Variants in POLR3C observed in about 807,000 individuals in gnomAD.
POLR3C encodes the protein RNA polymerase III subunit C, also known as DNA-directed RNA polymerase III subunit RPC3.
A neutral mutation model predicts 65.9 loss-of-function variants in POLR3C; 44 were observed. That is an observed-to-expected ratio of 0.67 (90% CI 0.52 to 0.86). The LOEUF is 0.86. POLR3C is among the 40% of genes least tolerant of loss of function. POLR3C has a pLI of 0.00. For synonymous variants in POLR3C, 263 were observed against 231.6 expected, an observed-to-expected ratio of 1.14 and a Z score of -1.23; for missense variants, 576 against 653.2, an observed-to-expected ratio of 0.88 and a Z score of 1.29.
intron 10 of POLR3C, 102 bp from the exon 11 acceptor site, chr1:145,837,954 G>A (rs1384778541): frequency 9.6e-7 from 1 of 1,041,532 alleles, no homozygotes; most frequent in East Asian, 2.4e-5. Flanking sequence ...TTCCTGTCTG[G>A]TACTGGCTTC....
rs1553725979 is a variant in POLR3C, at chr1:145,826,920, T to G, written c.504T>G (p.Asn168Lys). Reference sequence around the variant, plus strand: ...GCCCTTCGGTACCTACCACTGAGAATTCAGACCCTGGGCCACCACCACCTG... The same window carrying G: ...GCCCTTCGGTACCTACCACTGAGAAGTCAGACCCTGGGCCACCACCACCTG... ...QRCPSVPTTE[N>K]SDPGPPPPAP... Residue 168 changes from asparagine to lysine, a missense_variant, in exon 4 of 15, where the codon AAT becomes AAG. Physicochemically the swap from Asn to Lys is moderately conservative, Grantham distance 94. Transcript: ENST00000334163. The G allele has an allele frequency of 1.2e-6, 2 of 1,613,548 alleles. No individual in the cohort carries two copies. Among genetic ancestry groups the G allele is most frequent in the Non-Finnish European group, 1.7e-6 (2 of 1,179,854 alleles).
At chr1:145,830,007 A>G (rs1324068674) in intron 5 of POLR3C, among the ~76,000 whole-genome samples, 1 of 152,228 alleles carries the variant, frequency 6.6e-6, no homozygotes, top group Non-Finnish European at 1.5e-5. Flanking sequence ...AAGGAGAGCC[A>G]TTGATGGATT....
In POLR3C at chr1:145,838,052, C is replaced by G. The variant is rs2101654369; in HGVS notation, c.1071-4C>G. On this transcript the variant is annotated splice_polypyrimidine_tract_variant and splice_region_variant and intron_variant, in intron 10 of 14. Transcript: ENST00000334163. Reference sequence around the variant, plus strand: ...TGCCATTTGCTTTCTTCATTCCTTTCCAGATTTGGGTCTCGCTGTGCTAGA... The same window carrying G: ...TGCCATTTGCTTTCTTCATTCCTTTGCAGATTTGGGTCTCGCTGTGCTAGA... 1 of 1,613,672 alleles carries G rather than the reference C, an allele frequency of 6.2e-7. No homozygotes were observed. Among genetic ancestry groups the G allele is most frequent in the Non-Finnish European group, 8.5e-7 (1 of 1,179,668 alleles).
chr1:145,842,057 CT>C (rs1553730712), intron 14 of POLR3C, among the ~76,000 whole-genome samples: 1 of 152,138 alleles, frequency 6.6e-6, no homozygotes, highest in African/African-American at 2.4e-5. Flanking sequence ...ACACTAGGTC[CT>C]TTTATACCTG....
chr1:145,825,744 G>A lies in POLR3C; in HGVS notation c.-20-13G>A, dbSNP rs1650680583. The A allele has an allele frequency of 6.3e-7, 1 of 1,588,658 alleles. No homozygotes were observed. Among genetic ancestry groups the A allele is most frequent in the South Asian group, 1.1e-5 (1 of 89,128 alleles). On this transcript the variant is annotated splice_polypyrimidine_tract_variant and intron_variant, in intron 1 of 14. Coordinates refer to ENST00000334163, the MANE Select transcript of POLR3C (RefSeq NM_006468.8). The stretch of plus-strand genomic sequence containing the variant: ...AGACTTTCTATTGTACCATTTTGGT[G>A]TTTTTTCCCTAGCTCTCAGACTCCC...
rs782643152 is a variant in POLR3C at position 145,840,137 on chromosome 1, A to G, written c.1345A>G (p.Arg449Gly). 5 of 1,605,654 alleles carry G rather than the reference A, an allele frequency of 3.1e-6. No individual in the cohort carries two copies. The highest frequency in any genetic ancestry group is 3.4e-6 in the Non-Finnish European group (4 of 1,172,246). The part of the protein sequence containing the change: ...CYKSIANLIE[R>G]RQFETKENKR... ...TCAGAGCATAGCCAACTTGATAGAA[A>G]GGAGGCAATTTGAAACCAAAGAGAA... is the stretch of plus-strand genomic sequence containing the variant. Residue 449 changes from arginine to glycine, a missense_variant, in exon 13 of 15, where the codon AGG becomes GGG. Physicochemically the swap from Arg to Gly is moderately radical, Grantham distance 125. Transcript: ENST00000334163.
intron 4 of POLR3C, 87 bp downstream of exon 4, chr1:145,827,092 A>G: frequency 9.1e-7 from 1 of 1,093,378 alleles, no homozygotes; most frequent in East Asian, 2.4e-5. Flanking sequence ...GATTGTATTT[A>G]CCAAGTATTT....
At chr1:145,838,410 G>C (rs1652026383) in intron 11 of POLR3C, among the ~76,000 whole-genome samples, 1 of 152,158 alleles carries the variant, frequency 6.6e-6, no homozygotes, top group African/African-American at 2.4e-5. Flanking sequence ...GGCCGGGCAC[G>C]GTGGTTCGCG....
At position 145,833,641 on chromosome 1, in the gene POLR3C, A is replaced by G. The variant is rs1651539107; in HGVS notation, c.876+59A>G. The G allele has an allele frequency of 5.4e-6, 6 of 1,103,516 alleles. No individual in the cohort carries two copies. The Admixed American group carries it at 6.8e-5, about 12-fold the overall frequency. The allele number at this position is 1,103,516 out of a possible 1,614,324, so 68.4% of individuals were successfully genotyped here. On this transcript the variant is annotated intron_variant, in intron 7 of 14. Transcript: ENST00000334163. ...AGATTCTTGGGTGTTATCAACGTTT[A>G]TTATACACAGATCCTGAGTTTGGGT...
At chr1:145,841,132 C>T in intron 14 of POLR3C, 61 bp downstream of exon 14, 3 of 1,423,622 alleles carry the variant, frequency 2.1e-6, no homozygotes, top group Non-Finnish European at 2.0e-6. Context: ...CCATTTTGAC[C>T]TCCTGTAACC....
intron 2 of POLR3C, 49 bp from the exon 3 acceptor site, chr1:145,826,405 C>G (rs373856329): frequency 6.3e-7 from 1 of 1,583,644 alleles, no homozygotes. Flanking sequence ...CAGTAATGAG[C>G]TATATCTTCA....
In POLR3C at chr1:145,838,090, GT is replaced by G. The variant is rs1553729306; in HGVS notation, c.1109del (p.Leu370CysfsTer6). On this transcript the variant is annotated frameshift_variant, in exon 11 of 15. Transcript: ENST00000334163. LOFTEE classifies it high-confidence loss of function. ...GSRCARIFRL[V>X]LQKKHIEQKQ... is the part of the protein sequence containing the mutation. Reference sequence around the variant, plus strand: ...TCGCTGTGCTAGAATATTCCGTCTAGTTTTGCAGAAGAAACACATAGAGCAG... The same window carrying G: ...TCGCTGTGCTAGAATATTCCGTCTAGTTTGCAGAAGAAACACATAGAGCAG... 6.2e-7 allele frequency: 1 copy of G among 1,614,176 alleles called. No homozygotes were observed. The highest frequency in any genetic ancestry group is 8.5e-7 in the Non-Finnish European group (1 of 1,180,002).
At position 145,832,966 on chromosome 1, in the gene POLR3C, G is replaced by A. The variant is rs946560959; in HGVS notation, c.679-294G>A. The stretch of plus-strand genomic sequence containing the variant: ...GAACCCGAGAGGCAGAGGTTGCAGT[G>A]AGCCGAGATCATGCCACTGCACTCC... On this transcript the variant is annotated intron_variant, in intron 5 of 14. Coordinates refer to ENST00000334163, the MANE Select transcript of POLR3C (RefSeq NM_006468.8). Among the ~76,000 whole-genome samples, 8 of 152,250 alleles carry A rather than the reference G, an allele frequency of 5.3e-5. No individual in the cohort carries two copies. The East Asian group carries it at 1.5e-3, about 29-fold the overall frequency.
intron 11 of POLR3C, 65 bp from the exon 12 acceptor site, chr1:145,839,825 G>C: frequency 5.8e-6 from 5 of 866,730 alleles, no homozygotes; most frequent in South Asian, 1.4e-5. Context: ...GGTAGAATGA[G>C]TGTGTGCTTT....
Position 145,827,022 on chromosome 1 carries a change from C to T in POLR3C, c.589+17C>T, listed in dbSNP as rs782727325. On this transcript the variant is annotated intron_variant, in intron 4 of 14. Transcript: ENST00000334163. ...GCTTGATAGGTAAGGAATTTTAACC[C>T]CTGGAACTGTGACTTGCCTTAATTG... 1 of 1,570,362 alleles carries T rather than the reference C, an allele frequency of 6.4e-7. No homozygotes were observed. The highest frequency in any genetic ancestry group is 2.2e-5 in the East Asian group (1 of 44,674).
At position 145,826,818 on chromosome 1, in the gene POLR3C, A is replaced by T; in HGVS notation, c.404-2A>T. 1 of 1,607,418 alleles carries T rather than the reference A, an allele frequency of 6.2e-7. No individual in the cohort carries two copies. The highest frequency in any genetic ancestry group is 8.5e-7 in the Non-Finnish European group (1 of 1,175,552). Reference sequence around the variant, plus strand: ...ATCTGCCTTTTTCCTCCTGTTATACAGATGGCAAGACCATGGACTATGCTG... The same window carrying T: ...ATCTGCCTTTTTCCTCCTGTTATACTGATGGCAAGACCATGGACTATGCTG... On this transcript the variant is annotated splice_acceptor_variant, in intron 3 of 14. Transcript: ENST00000334163. LOFTEE classifies it high-confidence loss of function.
chr1:145,834,210 C>T (rs782505899), intron 7 of POLR3C, among the ~76,000 whole-genome samples: 2 of 152,058 alleles, frequency 1.3e-5, no homozygotes, highest in Non-Finnish European at 2.9e-5. Flanking sequence ...AGAAAAGGTA[C>T]AGTAAAAATA....
At chr1:145,840,320 A>T (rs1652191174) in intron 13 of POLR3C, 155 bp downstream of exon 13, 14 of 605,558 alleles carry the variant, frequency 2.3e-5, no homozygotes, top group African/African-American at 3.7e-5. Context: ...CAGGTGGATC[A>T]CTTGAGGTCA....
At chr1:145,838,432 AG>A (rs1215643958) in intron 11 of POLR3C, among the ~76,000 whole-genome samples, 1 of 152,206 alleles carries the variant, frequency 6.6e-6, no homozygotes, top group African/African-American at 2.4e-5. Flanking sequence ...CTGTAGTCCC[AG>A]CACTTTGGGA....
Sources: allele counts gnomAD v4.1 joint callset (sites outside exome capture counted in the v4.1 genomes callset), GRCh38; gene constraint gnomAD v4.1.1; transcripts MANE v1.5; gene names NCBI Gene and HGNC (gene_info 2026-07-23, HGNC 2026-07-21).